The following PTCHD4 variants were observed in gnomAD, a reference collection of about 807,000 sequenced individuals.
PTCHD4 encodes patched domain-containing protein 4.
A neutral mutation model predicts 58.1 loss-of-function variants in PTCHD4; 33 were observed. That is an observed-to-expected ratio of 0.57 (90% CI 0.43 to 0.76). The LOEUF (loss-of-function observed/expected upper bound fraction) is 0.76. Ranked by LOEUF, PTCHD4 falls within the 30% of genes least tolerant of loss-of-function variation. The pLI is 0.00. For synonymous variants in PTCHD4, 478 were observed against 409.6 expected, an observed-to-expected ratio of 1.17 and a Z score of -2.02; for missense variants, 1,058 against 1,027.1, an observed-to-expected ratio of 1.03 and a Z score of -0.41.
At chr6:47,942,421 G>C (rs1766266453) in intron 4 of PTCHD4, among the ~76,000 whole-genome samples, 1 of 152,138 alleles carries the variant, frequency 6.6e-6, no homozygotes, top group Non-Finnish European at 1.5e-5. Flanking sequence ...GCGGAATAAA[G>C]AATAGCAAAA....
chr6:47,912,465 C>T (rs188834294), intron 4 of PTCHD4, among the ~76,000 whole-genome samples: 188 of 152,206 alleles, frequency 1.2e-3, no homozygotes, highest in African/African-American at 4.4e-3. Context: ...TTGACCATTG[C>T]GTCCCCCAAC....
intron 4 of PTCHD4, among the ~76,000 whole-genome samples, chr6:47,912,917 C>T (rs1453775926): frequency 6.6e-6 from 1 of 152,094 alleles, no homozygotes; most frequent in Non-Finnish European, 1.5e-5. Context: ...TTTAGTCTAG[C>T]TTTTCTATCT....
chr6:47,997,970 C>T (rs1257703299), intron 4 of PTCHD4, among the ~76,000 whole-genome samples: 1 of 149,186 alleles, frequency 6.7e-6, no homozygotes, highest in East Asian at 1.9e-4. Context: ...TTTTTCAACA[C>T]ATTTTTCTTC....
At chr6:47,995,428 T>C (rs1369007760) in intron 4 of PTCHD4, among the ~76,000 whole-genome samples, 1 of 152,174 alleles carries the variant, frequency 6.6e-6, no homozygotes, top group Non-Finnish European at 1.5e-5. Context: ...TAATAACTGG[T>C]CTTTTTACAT....
chr6:48,083,865 C>T (rs955922284), intron 1 of PTCHD4, among the ~76,000 whole-genome samples: 3 of 152,122 alleles, frequency 2.0e-5, no homozygotes, highest in Non-Finnish European at 4.4e-5. Flanking sequence ...TTGTCCCCAG[C>T]GTCTCCAGAA....
chr6:47,997,834 C>A (rs879908222), intron 4 of PTCHD4, among the ~76,000 whole-genome samples: 2 of 152,156 alleles, frequency 1.3e-5, no homozygotes, highest in Non-Finnish European at 2.9e-5. Flanking sequence ...TAAGGTTGGC[C>A]TCTGGGACCA....
At chr6:48,044,261 G>A (rs1183115068) in intron 3 of PTCHD4, among the ~76,000 whole-genome samples, 1 of 151,826 alleles carries the variant, frequency 6.6e-6, no homozygotes, top group African/African-American at 2.4e-5. Flanking sequence ...GTATTCTGCT[G>A]TTATCTGGAA....
chr6:47,882,741 G>GATATAT (rs1554149146), intron 4 of PTCHD4, among the ~76,000 whole-genome samples: 5 of 102,442 alleles, frequency 4.9e-5, no homozygotes, highest in Admixed American at 4.8e-4. Flanking sequence ...TGATTCCAGT[G>GATATAT]ATATATATAT....
At chr6:47,928,810 G>A (rs1045246852) in intron 4 of PTCHD4, among the ~76,000 whole-genome samples, 6 of 151,450 alleles carry the variant, frequency 4.0e-5, no homozygotes, top group East Asian at 1.9e-4. Flanking sequence ...ACTTGGTGTC[G>A]ATGATACTCA....
At chr6:48,082,677 G>A (rs1324269585) in intron 1 of PTCHD4, among the ~76,000 whole-genome samples, 1 of 152,030 alleles carries the variant, frequency 6.6e-6, no homozygotes, top group Non-Finnish European at 1.5e-5. Context: ...TACAGAGCTT[G>A]ATTTCAGGAT....
chr6:48,045,360 TAA>T (rs1223479019), intron 3 of PTCHD4, among the ~76,000 whole-genome samples: 1 of 151,836 alleles, frequency 6.6e-6, no homozygotes, highest in East Asian at 1.9e-4. Context: ...TGATCACATT[TAA>T]AAGTGTTTGA....
chr6:47,993,975 A>T (rs1768377484), intron 4 of PTCHD4, among the ~76,000 whole-genome samples: 1 of 152,194 alleles, frequency 6.6e-6, no homozygotes, highest in African/African-American at 2.4e-5. Flanking sequence ...GAGACAAAAT[A>T]GTATTACCAG....
chr6:47,943,366 T>G (rs1358028759), intron 4 of PTCHD4, among the ~76,000 whole-genome samples: 1 of 152,162 alleles, frequency 6.6e-6, no homozygotes, highest in Admixed American at 6.6e-5. Flanking sequence ...CCCTTATTTT[T>G]TATCATTCAG....
chr6:48,091,497 T>C (rs1045384641), intron 1 of PTCHD4, among the ~76,000 whole-genome samples: 2 of 152,174 alleles, frequency 1.3e-5, no homozygotes, highest in Non-Finnish European at 2.9e-5. Flanking sequence ...CTATTTAATA[T>C]GTGGTCCTCA....
intron 4 of PTCHD4, among the ~76,000 whole-genome samples, chr6:48,003,701 T>C (rs1768829092): frequency 1.3e-5 from 2 of 152,192 alleles, no homozygotes; most frequent in African/African-American, 4.8e-5. Flanking sequence ...TTCAAACAGC[T>C]TTAATTTCAC....
chr6:48,102,301 G>A (rs1765621121), intron 1 of PTCHD4, among the ~76,000 whole-genome samples: 1 of 152,208 alleles, frequency 6.6e-6, no homozygotes, highest in Non-Finnish European at 1.5e-5. Flanking sequence ...AGATGTGAGT[G>A]AGGAACTTAA....
At chr6:48,083,047 C>T (rs750067991) in intron 1 of PTCHD4, among the ~76,000 whole-genome samples, 39 of 150,752 alleles carry the variant, frequency 2.6e-4, no homozygotes, top group South Asian at 1.9e-3. Context: ...ATATAATTAC[C>T]GGCATATTTG....
intron 4 of PTCHD4, among the ~76,000 whole-genome samples, chr6:47,881,457 G>A (rs927114404): frequency 2.0e-5 from 3 of 152,078 alleles, no homozygotes; most frequent in Admixed American, 6.6e-5. Flanking sequence ...AAAACCAGAG[G>A]GCATTTTGTT....
intron 1 of PTCHD4, among the ~76,000 whole-genome samples, chr6:48,077,863 A>G (rs149086495): frequency 3.9e-5 from 6 of 152,320 alleles, no homozygotes; most frequent in African/African-American, 1.4e-4. Flanking sequence ...AAGGCACCCC[A>G]AAACAATTAC....
Sources: allele counts gnomAD v4.1 joint callset (sites outside exome capture counted in the v4.1 genomes callset), GRCh38; gene constraint gnomAD v4.1.1; transcripts MANE v1.5; gene names NCBI Gene and HGNC (gene_info 2026-07-23, HGNC 2026-07-21).